Variants in SPATA24 observed in about 807,000 individuals in gnomAD.
The protein encoded by SPATA24 is spermatogenesis-associated protein 24.
A neutral mutation model predicts 28.9 loss-of-function variants in SPATA24; 21 were observed. The ratio of observed to expected loss-of-function variants is 0.73; its 90% confidence interval spans 0.52 to 1.05. SPATA24 has a LOEUF of 1.05. Ranked by LOEUF, SPATA24 falls within the 50% of genes least tolerant of loss-of-function variation. SPATA24 has a pLI of 0.00. For missense variants in SPATA24, 215 were observed against 242.9 expected (o/e 0.88, Z 0.76); for synonymous variants, 76 against 89.9 (o/e 0.85, Z 0.88).
chr5:139,396,912 A>C lies in SPATA24; in HGVS notation c.506T>G (p.Phe169Cys), dbSNP rs1039277245. ...GCTCTCCTGCTGCTTCTGGATCCGG[A>C]AGTCAGACATGTGATTCCTGCAACG... is the stretch of plus-strand genomic sequence containing the variant. ...KQIFRNHMSD[F>C]RIQKQQESYM... The change falls in exon 6 of 6, where the codon TTC becomes TGC. Residue 169 changes from phenylalanine to cysteine, a missense_variant. Transcript: ENST00000450845. 6.4e-7 allele frequency: 1 copy of C among 1,551,620 alleles called. No homozygotes were observed. Among genetic ancestry groups the C allele is most frequent in the Non-Finnish European group, 8.7e-7 (1 of 1,146,976 alleles).
downstream of SPATA24, chr5:139,394,942 C>T: frequency 2.6e-6 from 4 of 1,521,312 alleles, no homozygotes; most frequent in Non-Finnish European, 3.5e-6. Context: ...CGCGTCCGGC[C>T]CAACGTCCGG....
In SPATA24 at chr5:139,402,065, C is replaced by A; in HGVS notation, c.184-20G>T. Reference sequence around the variant, plus strand: ...CTCTTCCTGCAGGGGCAGCAGCAGTCACCTCATTACCCTAGGCCGCCTTGG... The same window carrying A: ...CTCTTCCTGCAGGGGCAGCAGCAGTAACCTCATTACCCTAGGCCGCCTTGG... On this transcript the variant is annotated intron_variant, in intron 2 of 5. Transcript: ENST00000450845. The A allele has an allele frequency of 6.5e-7, 1 of 1,549,196 alleles. No individual in the cohort carries two copies.
chr5:139,395,379 AGCCAGG>A, downstream of SPATA24: 1 of 342,958 alleles, frequency 2.9e-6, no homozygotes, highest in African/African-American at 2.1e-5. Context: ...AAAGCCTTGG[AGCCAGG>A]AGTTAGGCCC....
At position 139,401,407 on chromosome 5, in the gene SPATA24, C is replaced by A. The variant is rs1319860998; in HGVS notation, c.385+348G>T. On this transcript the variant is annotated intron_variant, in intron 4 of 5. Coordinates refer to ENST00000450845, the MANE Select transcript of SPATA24 (RefSeq NM_194296.2). The stretch of plus-strand genomic sequence containing the variant: ...TGACCCTGAGACTAAGGATCAGGTC[C>A]CAAATAGGACAGTGCTTGCCCTGTG... 3 of 594,126 alleles carry A rather than the reference C, an allele frequency of 5.0e-6. No individual in the cohort carries two copies. In the East Asian group the frequency reaches 8.3e-5, roughly 16 times the overall value. The allele number at this position is 594,126 out of a possible 1,614,324, so 36.8% of individuals were successfully genotyped here.
At chr5:139,394,438 C>T (rs1758658720), downstream of SPATA24, 6 of 1,394,454 alleles carry the variant, frequency 4.3e-6, no homozygotes, top group Admixed American at 7.2e-5. Flanking sequence ...ACTCTGGGGC[C>T]GGGGGCGCAG....
chr5:139,402,662 T>A lies in SPATA24; in HGVS notation c.149A>T (p.Lys50Ile). Residue 50 changes from lysine to isoleucine, a missense_variant, in exon 2 of 6, where the codon AAA (lysine) becomes ATA (isoleucine). Lys to Ile is a moderately radical substitution (Grantham distance 102). Coordinates refer to ENST00000450845, the MANE Select transcript of SPATA24 (RefSeq NM_194296.2). ...MVLQDENFVS[K>I]EEFQAVEKKL... ...CTTCTCCACTGCCTGGAACTCTTCT[T>A]TACTGACAAAATTTTCGTCCTGGAG... 1 of 1,551,822 alleles carries A rather than the reference T, an allele frequency of 6.4e-7. No individual in the cohort carries two copies. Among genetic ancestry groups the A allele is most frequent in the Non-Finnish European group, 8.7e-7 (1 of 1,147,000 alleles).
chr5:139,395,024 C>T (rs1251110861), downstream of SPATA24: 1 of 1,444,124 alleles, frequency 6.9e-7, no homozygotes. Context: ...CGCGCGGGGG[C>T]CGTGGGCAGC....
At chr5:139,393,715 G>A (rs1227074882), downstream of SPATA24, 5 of 1,551,124 alleles carry the variant, frequency 3.2e-6, no homozygotes, top group African/African-American at 4.1e-5. Context: ...GGAAAGGATC[G>A]GAGGGGAAGG....
At position 139,402,033 on chromosome 5, in the gene SPATA24, C is replaced by T. The variant is rs1433916932; in HGVS notation, c.196G>A (p.Ala66Thr). The stretch of plus-strand genomic sequence containing the variant: ...AGGAGGACCTTGGTTTTGGCATGGG[C>T]AGCTTTCTCTTCCTGCAGGGGCAGC... ...VEKKLVEEKA[A>T]HAKTKVLLAK... The change falls in exon 3 of 6, where the codon GCC becomes ACC. Residue 66 changes from alanine to threonine, a missense_variant. Coordinates refer to ENST00000450845, the MANE Select transcript of SPATA24 (RefSeq NM_194296.2). 6.4e-7 allele frequency: 1 copy of T among 1,551,256 alleles called. No homozygotes were observed. The highest frequency in any genetic ancestry group is 8.7e-7 in the Non-Finnish European group (1 of 1,146,910).
chr5:139,398,837 A>T (rs1758765211), intron 4 of SPATA24, among the ~76,000 whole-genome samples: 1 of 96,126 alleles, frequency 1.0e-5, no homozygotes, highest in Non-Finnish European at 1.9e-5. Context: ...CAGCCTGGCC[A>T]ACATGGTAAA....
downstream of SPATA24, chr5:139,393,666 G>T: frequency 1.3e-6 from 2 of 1,550,814 alleles, no homozygotes; most frequent in Non-Finnish European, 1.7e-6. Context: ...GGGCTTCGAG[G>T]GACGGGCTCC....
rs1362546121 is a variant in SPATA24 at position 139,399,274 on chromosome 5, G to A, written c.386-2131C>T. 3.4e-5 allele frequency among the ~76,000 whole-genome samples: 5 copies of A among 144,996 alleles called. No homozygotes were observed. The Admixed American group carries it at 3.5e-4, about 10-fold the overall frequency. ...GGAGCTTGCAGTGAGCCGAGATCTC[G>A]ACACCGCACTCCAGCCTGGGCGGCA... On this transcript the variant is annotated intron_variant, in intron 4 of 5. Transcript: ENST00000450845.
downstream of SPATA24, chr5:139,394,711 G>C: frequency 6.5e-7 from 1 of 1,533,050 alleles, no homozygotes; most frequent in Non-Finnish European, 8.7e-7. Flanking sequence ...GTCTGCGCCG[G>C]AGCAGCCGAA....
chr5:139,394,950 CG>C (rs1484263051), downstream of SPATA24: 1 of 1,521,342 alleles, frequency 6.6e-7, no homozygotes. Flanking sequence ...GCCCAACGTC[CG>C]GGGGCTCCGG....
chr5:139,402,825 A>G, intron 1 of SPATA24, 132 bp from the exon 2 acceptor site: 1 of 689,674 alleles, frequency 1.4e-6, no homozygotes, highest in South Asian at 1.7e-5. Flanking sequence ...TTGGGAAGGG[A>G]GAATTCAGTT....
rs1284429077 is a variant in SPATA24 at position 139,403,413 on chromosome 5, CA to C, written c.117+530del. On this transcript the variant is annotated intron_variant, in intron 1 of 5. Transcript: ENST00000450845. ...GAACTCCAGATGGCCAGGATTCTAT[CA>C]TGCCTACCCAGGTAATCTGTGACTG... Among the ~76,000 whole-genome samples the C allele has an allele frequency of 2.6e-5, 4 of 152,330 alleles. No homozygotes were observed. In the East Asian group the frequency reaches 7.7e-4, roughly 29 times the overall value.
intron 4 of SPATA24, among the ~76,000 whole-genome samples, chr5:139,400,016 G>A (rs919383876): frequency 1.3e-5 from 2 of 152,186 alleles, no homozygotes; most frequent in Non-Finnish European, 2.9e-5. Flanking sequence ...CGAGCATGGG[G>A]GCAGTGACTG....
Position 139,403,994 on chromosome 5 carries a change from G to T in SPATA24, c.67C>A (p.Arg23=). ...GSVCLALDQL[R]DVIESQEELI... ...TCCTCCTGAGACTCAATCACGTCCC[G>T]CAGTTGATCTAAAGCGAGACACACA... Residue 23 remains arginine (R), a synonymous_variant, in exon 1 of 6, where the codon CGG becomes AGG. Transcript: ENST00000450845. 1 of 1,551,806 alleles carries T rather than the reference G, an allele frequency of 6.4e-7. No homozygotes were observed. Among genetic ancestry groups the T allele is most frequent in the African/African-American group, 1.4e-5 (1 of 73,142 alleles).
At chr5:139,401,561 C>A (rs765616613) in intron 4 of SPATA24, 194 bp downstream of exon 4, 2 of 705,750 alleles carry the variant, frequency 2.8e-6, no homozygotes, top group East Asian at 2.7e-5. Context: ...TATAGTACAC[C>A]GACTGCTTCC....
Sources: allele counts gnomAD v4.1 joint callset (sites outside exome capture counted in the v4.1 genomes callset), GRCh38; gene constraint gnomAD v4.1.1; transcripts MANE v1.5; gene names NCBI Gene and HGNC (gene_info 2026-07-23, HGNC 2026-07-21).